TET3: variants seen among roughly 807,000 people sequenced by gnomAD.
TET3 encodes tet methylcytosine dioxygenase 3.
TET3 carries 19 observed loss-of-function variants against 141.4 expected under a neutral mutation model. The ratio of observed to expected loss-of-function variants is 0.13; its 90% CI spans 0.09 to 0.20. TET3 has a LOEUF of 0.20. TET3 is among the 10% of genes least tolerant of loss of function. The pLI, the probability that TET3 is intolerant of heterozygous loss-of-function variation, is 1.00. For synonymous variants in TET3, 1,043 were observed against 980.9 expected (o/e 1.06, Z -1.18); for missense variants, 1,874 against 2,356.9 (o/e 0.80, Z 4.24).
chr2:74,121,145 G>A, the TET3 span: 1 of 152,210 alleles, frequency 6.6e-6, no homozygotes, highest in African/African-American at 2.4e-5. Flanking sequence ...AAAAGTCGAT[G>A]TTGAAAAAGG....
At chr2:74,061,706 C>T (rs998756759) in intron 4 of TET3, among the ~76,000 whole-genome samples, 4 of 127,966 alleles carry the variant, frequency 3.1e-5, no homozygotes, top group Non-Finnish European at 6.5e-5. Flanking sequence ...TCAGACGGGG[C>T]AGCTGCCGGG....
chr2:74,026,212 G>A (rs1330528311), intron 3 of TET3, among the ~76,000 whole-genome samples: 1 of 152,088 alleles, frequency 6.6e-6, no homozygotes, highest in Non-Finnish European at 1.5e-5. Flanking sequence ...GCTGGGGGGA[G>A]AGAGGGACTT....
At position 74,105,732 on chromosome 2, in the gene TET3, T is replaced by A. The variant is rs560764380; in HGVS notation, c.*3556T>A. The stretch of plus-strand genomic sequence containing the variant: ...AAAGAAGTAGCAGAGCTTAACTGCT[T>A]TGTACCACACAGCAGTAGATGTGCA... On this transcript the variant is annotated 3_prime_UTR_variant, in exon 12 of 12. Coordinates refer to ENST00000409262, the MANE Select transcript of TET3 (RefSeq NM_001287491.2). The A allele has an allele frequency of 4.8e-6, 1 of 207,342 alleles. No homozygotes were observed. The highest frequency in any genetic ancestry group is 9.6e-6 in the Non-Finnish European group (1 of 104,120). 12.8% of individuals were successfully genotyped at this position (207,342 alleles called of 1,614,324 possible).
chr2:74,102,406 G>C lies in TET3; in HGVS notation c.*230G>C, dbSNP rs1195842376. 1 of 505,972 alleles carries C rather than the reference G, an allele frequency of 2.0e-6. No individual in the cohort carries two copies. The highest frequency in any genetic ancestry group is 2.0e-5 in the African/African-American group (1 of 50,276). The allele number at this position is 505,972 out of a possible 1,614,324, so 31.3% of individuals were successfully genotyped here. ...CTTTGAAGAAGAAACTACGGCTGTC[G>C]GGTGATTTTTCCGTGATCTTAATAT... On this transcript the variant is annotated 3_prime_UTR_variant, in exon 12 of 12. Coordinates refer to ENST00000409262, the MANE Select transcript of TET3 (RefSeq NM_001287491.2).
At chr2:74,066,617 T>G (rs1331548109) in intron 4 of TET3, among the ~76,000 whole-genome samples, 1 of 152,206 alleles carries the variant, frequency 6.6e-6, no homozygotes, top group African/African-American at 2.4e-5. Context: ...AGAGACTCCT[T>G]GGGCTGCCCT....
the TET3 span, among the ~76,000 whole-genome samples, chr2:74,124,360 C>T: frequency 2.6e-5 from 4 of 151,034 alleles, no homozygotes; most frequent in Admixed American, 6.6e-5. Flanking sequence ...AGGTGAGGGT[C>T]GCCTCTGCCC....
At position 74,093,112 on chromosome 2, in the gene TET3, A is replaced by G; in HGVS notation, c.3129+121A>G. The stretch of plus-strand genomic sequence containing the variant: ...CTCTTATGGGAAGAGCCTAGTCCAG[A>G]AGTAAAGCGATATGATGTGGTTCTT... On this transcript the variant is annotated intron_variant, in intron 9 of 11. Transcript: ENST00000409262. The surrounding 1 kb of genome is among the most constrained non-coding windows in gnomAD (Gnocchi z 4.2). 1 of 905,780 alleles carries G rather than the reference A, an allele frequency of 1.1e-6. No individual in the cohort carries two copies. 56.1% of individuals were successfully genotyped at this position (905,780 alleles called of 1,614,324 possible). A position where few individuals can be genotyped will look rare whatever the true frequency, so the allele number is the denominator to read the frequency against.
the TET3 span, among the ~76,000 whole-genome samples, chr2:74,120,228 C>T: frequency 2.0e-5 from 3 of 152,344 alleles, no homozygotes; most frequent in East Asian, 3.9e-4. Context: ...CGCCCAACCC[C>T]GGAGCGCTCC....
chr2:73,985,476 G>A (rs1683971328), intron 1 of TET3, among the ~76,000 whole-genome samples: 1 of 144,838 alleles, frequency 6.9e-6, no homozygotes, highest in African/African-American at 2.5e-5. Context: ...CGGCGGCGCG[G>A]GCCGCCCTCC....
intron 3 of TET3, among the ~76,000 whole-genome samples, chr2:74,026,842 A>G (rs1005670443): frequency 1.3e-5 from 2 of 151,734 alleles, no homozygotes; most frequent in Admixed American, 6.6e-5. Context: ...TCTCATTTCC[A>G]GGCCCCCTGC....
At chr2:74,058,762 C>G (rs2103801012) in intron 4 of TET3, among the ~76,000 whole-genome samples, 1 of 152,292 alleles carries the variant, frequency 6.6e-6, no homozygotes, top group South Asian at 2.1e-4. Context: ...TCCACCCCTC[C>G]AGGCACGTGG....
At chr2:73,983,784 T>G (rs1450542672), upstream of TET3, among the ~76,000 whole-genome samples, 1 of 152,216 alleles carries the variant, frequency 6.6e-6, no homozygotes, top group East Asian at 1.9e-4. Context: ...GTCAGGCCAG[T>G]CCGTCCTGTG....
At chr2:74,000,959 C>T (rs1229696547) in intron 2 of TET3, among the ~76,000 whole-genome samples, 1 of 152,150 alleles carries the variant, frequency 6.6e-6, no homozygotes, top group Non-Finnish European at 1.5e-5. Context: ...TCCTATCCAG[C>T]AGCAGACTGT....
At chr2:74,122,118 A>T in the TET3 span, 1 of 152,264 alleles carries the variant, frequency 6.6e-6, no homozygotes, top group African/African-American at 2.4e-5. Flanking sequence ...ATGGAGATGG[A>T]TCAAAGAAAT....
chr2:74,082,539 T>C (rs12991192), intron 6 of TET3, among the ~76,000 whole-genome samples: 24,414 of 151,510 alleles, frequency 0.16, 2,326 homozygotes, highest in Non-Finnish European at 0.22. Context: ...TCCCATGTCT[T>C]ATGAGTGAAG....
chr2:74,108,847 G>A (rs1343199721), downstream of TET3, among the ~76,000 whole-genome samples: 1 of 152,180 alleles, frequency 6.6e-6, no homozygotes, highest in African/African-American at 2.4e-5. Context: ...AAGGACTTCA[G>A]CAATATCCCA....
Position 74,093,671 on chromosome 2 carries a change from G to T in TET3, c.3267+5G>T. The stretch of plus-strand genomic sequence containing the variant: ...CTCTACAATGGGTGCACCGTGGTAA[G>T]CCTGTGCCCTGTCATAGCCCCACCT... On this transcript the variant is annotated splice_donor_5th_base_variant and intron_variant, in intron 10 of 11. Coordinates refer to ENST00000409262, the MANE Select transcript of TET3 (RefSeq NM_001287491.2). The surrounding 1 kb of genome is among the most constrained non-coding windows in gnomAD (Gnocchi z 4.2). 6.3e-7 allele frequency: 1 copy of T among 1,595,692 alleles called. No individual in the cohort carries two copies. Among genetic ancestry groups the T allele is most frequent in the South Asian group, 1.1e-5 (1 of 89,172 alleles).
chr2:74,006,568 G>C (rs756200111), intron 3 of TET3, among the ~76,000 whole-genome samples: 4 of 152,196 alleles, frequency 2.6e-5, no homozygotes, highest in Non-Finnish European at 5.9e-5. Flanking sequence ...GAGGGGCCTG[G>C]GCACTGGGCT....
At chr2:74,094,618 TG>T (rs1690699666) in intron 10 of TET3, among the ~76,000 whole-genome samples, 1 of 151,046 alleles carries the variant, frequency 6.6e-6, no homozygotes, top group African/African-American at 2.4e-5. Context: ...AGGAGGAGGC[TG>T]GGGCAGCCAT....
Sources: allele counts gnomAD v4.1 joint callset (sites outside exome capture counted in the v4.1 genomes callset), GRCh38; gene constraint gnomAD v4.1.1; non-coding constraint Gnocchi (gnomAD v3.1); transcripts MANE v1.5; gene names NCBI Gene and HGNC (gene_info 2026-07-23, HGNC 2026-07-21).